BUB1B: variants seen among roughly 807,000 people sequenced by gnomAD.
The protein encoded by BUB1B is BUB1 mitotic checkpoint serine/threonine kinase B, also known as mitotic checkpoint serine/threonine-protein kinase BUB1 beta.
BUB1B carries 86 observed loss-of-function variants against 137.7 expected under a neutral mutation model. That is an observed-to-expected ratio of 0.62 (90% confidence interval 0.52 to 0.75). The LOEUF (loss-of-function observed/expected upper bound fraction) is 0.75. Ranked by LOEUF, BUB1B falls within the 30% of genes least tolerant of loss-of-function variation. The probability of loss-of-function intolerance (pLI) is 0.00; values close to 1 mark genes in which losing one functional copy is unlikely to be tolerated. For missense variants in BUB1B, 1,130 were observed against 1,236.9 expected (o/e 0.91, Z 1.30); for synonymous variants, 420 against 417.9 (o/e 1.00, Z -0.06).
chr15:40,167,130 T>C (rs1434182764), intron 2 of BUB1B, among the ~76,000 whole-genome samples: 1 of 151,434 alleles, frequency 6.6e-6, no homozygotes, highest in African/African-American at 2.4e-5. Context: ...CAAATATATG[T>C]GTTGCAAATT....
chr15:40,202,365 A>G, intron 12 of BUB1B, 40 bp from the exon 13 acceptor site: 1 of 1,485,346 alleles, frequency 6.7e-7, no homozygotes, highest in Admixed American at 1.7e-5. Flanking sequence ...AGAGTAAAGC[A>G]TTTACTCCTA....
intron 18 of BUB1B, among the ~76,000 whole-genome samples, chr15:40,211,653 ATGT>A (rs146728446): frequency 0.035 from 5,380 of 152,012 alleles, 149 homozygotes; most frequent in Non-Finnish European, 0.051. Flanking sequence ...CCTGTTTTCT[ATGT>A]TATTTCTACC....
In BUB1B at chr15:40,202,710, C is replaced by T. The variant is rs768935318; in HGVS notation, c.1734+16C>T. On this transcript the variant is annotated intron_variant, in intron 14 of 22. Coordinates refer to ENST00000287598, the MANE Select transcript of BUB1B (RefSeq NM_001211.6). ...AGATGTTTGTGTAAGGAGCAGTATC[C>T]TTAAGTTAATGTAAATGGGCTAGTG... 6.9e-6 allele frequency: 11 copies of T among 1,597,128 alleles called. No individual in the cohort carries two copies. Among genetic ancestry groups the T allele is most frequent in the Non-Finnish European group, 8.6e-6 (10 of 1,164,622 alleles).
intron 20 of BUB1B, 149 bp from the exon 21 acceptor site, chr15:40,217,347 C>T: frequency 1.3e-6 from 1 of 787,772 alleles, no homozygotes. Flanking sequence ...ACTGCTCTGT[C>T]TTACAGGTGC....
chr15:40,211,310 G>A (rs762160230), intron 18 of BUB1B, among the ~76,000 whole-genome samples: 2 of 151,758 alleles, frequency 1.3e-5, no homozygotes, highest in Non-Finnish European at 2.9e-5. Flanking sequence ...CACACTACAG[G>A]CTTTCTTCAA....
In BUB1B at chr15:40,211,025, C is replaced by T. The variant is rs143311083; in HGVS notation, c.2385+815C>T. ...TCTTCAATGGGAAAATTATTTTTCCCCTCAGTTTTCTCTGTTCTCTTATTC... is the reference window on the plus strand; with the variant it reads ...TCTTCAATGGGAAAATTATTTTTCCTCTCAGTTTTCTCTGTTCTCTTATTC... On this transcript the variant is annotated intron_variant, in intron 18 of 22. Coordinates refer to ENST00000287598, the MANE Select transcript of BUB1B (RefSeq NM_001211.6). 4.5e-3 allele frequency among the ~76,000 whole-genome samples: 683 copies of T among 152,102 alleles called. 4 individuals carry two copies. The highest frequency in any genetic ancestry group is 0.01 in the Middle Eastern group (3 of 294).
intron 18 of BUB1B, among the ~76,000 whole-genome samples, chr15:40,211,294 C>G (rs2037706909): frequency 6.6e-6 from 1 of 151,930 alleles, no homozygotes; most frequent in African/African-American, 2.4e-5. Flanking sequence ...CTGTTTTGAT[C>G]TCTCTCACAC....
intron 5 of BUB1B, among the ~76,000 whole-genome samples, chr15:40,182,948 CAGTT>C (rs1372592126): frequency 6.6e-6 from 1 of 152,170 alleles, no homozygotes; most frequent in South Asian, 2.1e-4. Context: ...TCAGAGCCCT[CAGTT>C]AGTTGCTTTT....
chr15:40,213,466 C>T lies in BUB1B; in HGVS notation c.2670C>T (p.Leu890=), dbSNP rs745790688. Residue 890 remains leucine, a synonymous_variant, in exon 20 of 23, where the codon CTC becomes CTT. Coordinates refer to ENST00000287598, the MANE Select transcript of BUB1B (RefSeq NM_001211.6). ...HGDLSPRCLI[L]RNRIHDPYDC... Reference sequence around the variant, plus strand: ...ACTTGAGTCCAAGGTGTCTGATTCTCAGAAACAGGTTGGTCCTTTTCATTC... The same window carrying T: ...ACTTGAGTCCAAGGTGTCTGATTCTTAGAAACAGGTTGGTCCTTTTCATTC... 5 of 1,613,976 alleles carry T rather than the reference C, an allele frequency of 3.1e-6. No homozygotes were observed. The highest frequency in any genetic ancestry group is 1.3e-5 in the African/African-American group (1 of 74,912).
At chr15:40,176,365 A>AT (rs1397292945) in intron 4 of BUB1B, 112 bp from the exon 5 acceptor site, 494 of 997,812 alleles carry the variant, frequency 5.0e-4, no homozygotes, top group Non-Finnish European at 6.3e-4. Context: ...GTAATAATAG[A>AT]TTTTTTTTTC....
chr15:40,207,159 C>T (rs1170062888), intron 15 of BUB1B, among the ~76,000 whole-genome samples: 1 of 152,102 alleles, frequency 6.6e-6, no homozygotes, highest in African/African-American at 2.4e-5. Flanking sequence ...TTTTAAAAAA[C>T]TATCTTTTGA....
intron 22 of BUB1B, among the ~76,000 whole-genome samples, chr15:40,219,249 A>G (rs2037851923): frequency 6.6e-6 from 1 of 152,174 alleles, no homozygotes; most frequent in Non-Finnish European, 1.5e-5. Context: ...AAAAGTTAAT[A>G]AGCATCCTTT....
At chr15:40,211,914 C>A (rs569477716) in intron 18 of BUB1B, among the ~76,000 whole-genome samples, 1 of 152,206 alleles carries the variant, frequency 6.6e-6, no homozygotes, top group South Asian at 2.1e-4. Flanking sequence ...CCTCTGCCTC[C>A]CAGGGTCAAG....
intron 5 of BUB1B, among the ~76,000 whole-genome samples, chr15:40,180,638 TTTTC>T (rs2037278526): frequency 1.5e-5 from 2 of 129,544 alleles, no homozygotes; most frequent in African/African-American, 5.9e-5. Flanking sequence ...TCTTTTTTCT[TTTTC>T]TTTTTTTTTT....
intron 8 of BUB1B, among the ~76,000 whole-genome samples, chr15:40,193,589 C>T (rs1321704991): frequency 1.3e-5 from 2 of 150,552 alleles, no homozygotes; most frequent in South Asian, 4.2e-4. Context: ...GTGCATGACA[C>T]CATGCCTGGC....
At chr15:40,183,598 T>A in intron 5 of BUB1B, 116 bp from the exon 6 acceptor site, 2 of 884,210 alleles carry the variant, frequency 2.3e-6, no homozygotes, top group South Asian at 2.8e-5. Context: ...TTTGGGATAT[T>A]TCTGCATTCT....
intron 4 of BUB1B, among the ~76,000 whole-genome samples, chr15:40,175,947 C>A (rs575832155): frequency 2.0e-5 from 3 of 152,184 alleles, no homozygotes; most frequent in East Asian, 1.9e-4. Context: ...CTTCCTCCCC[C>A]CTTTTTTTAA....
chr15:40,164,241 T>G (rs2037069161), intron 1 of BUB1B, among the ~76,000 whole-genome samples: 1 of 152,182 alleles, frequency 6.6e-6, no homozygotes, highest in African/African-American at 2.4e-5. Context: ...TTAATGTTTT[T>G]TTTTTGAGAC....
At chr15:40,202,736 G>T (rs747241170) in intron 14 of BUB1B, 42 bp downstream of exon 14, 10 of 1,527,494 alleles carry the variant, frequency 6.5e-6, no homozygotes, top group Non-Finnish European at 8.2e-6. Flanking sequence ...TGGGCTAGTG[G>T]ATTGTTTATT....
Sources: allele counts gnomAD v4.1 joint callset (sites outside exome capture counted in the v4.1 genomes callset), GRCh38; gene constraint gnomAD v4.1.1; transcripts MANE v1.5; gene names NCBI Gene and HGNC (gene_info 2026-07-23, HGNC 2026-07-21).